DGKI: variants seen among roughly 807,000 people sequenced by gnomAD.
DGKI encodes DAG kinase iota.
In DGKI, 55 loss-of-function variants were observed where a neutral mutation model predicts 147.5. The ratio of observed to expected loss-of-function variants is 0.37; its 90% CI spans 0.30 to 0.47. DGKI has a LOEUF of 0.47. DGKI is among the 20% of genes least tolerant of loss of function. The probability of loss-of-function intolerance (pLI) is 1.00; values close to 1 mark genes in which losing one functional copy is unlikely to be tolerated. For missense variants in DGKI, 1,007 were observed against 1,323.8 expected (o/e 0.76, Z 3.71); for synonymous variants, 469 against 477.1 (o/e 0.98, Z 0.22).
intron 1 of DGKI, among the ~76,000 whole-genome samples, chr7:137,694,106 G>A (rs1173601501): frequency 1.3e-5 from 2 of 152,154 alleles, no homozygotes; most frequent in Admixed American, 6.5e-5. Flanking sequence ...CAGATCACAA[G>A]GTCAGGAGAT....
chr7:137,430,873 G>A (rs1279081366), intron 28 of DGKI, among the ~76,000 whole-genome samples: 1 of 152,028 alleles, frequency 6.6e-6, no homozygotes, highest in Non-Finnish European at 1.5e-5. Flanking sequence ...AAAATGAGAT[G>A]CTGAGAGAAC....
chr7:137,671,107 C>T (rs868335086), intron 3 of DGKI, among the ~76,000 whole-genome samples: 2 of 152,166 alleles, frequency 1.3e-5, no homozygotes, highest in Non-Finnish European at 2.9e-5. Flanking sequence ...GGCTCAAAAT[C>T]ATTTTCATTT....
chr7:137,478,284 A>T (rs1815246049), intron 23 of DGKI, among the ~76,000 whole-genome samples: 1 of 152,202 alleles, frequency 6.6e-6, no homozygotes, highest in Non-Finnish European at 1.5e-5. Context: ...TCAGACAGGA[A>T]TTCACAATTT....
At chr7:137,725,571 A>C (rs1441218893) in intron 1 of DGKI, among the ~76,000 whole-genome samples, 1 of 150,056 alleles carries the variant, frequency 6.7e-6, no homozygotes, top group African/African-American at 2.5e-5. Flanking sequence ...TCTATTTCAA[A>C]TCACTTTAAA....
chr7:137,559,281 C>A (rs552564564), intron 19 of DGKI, among the ~76,000 whole-genome samples: 1 of 150,924 alleles, frequency 6.6e-6, no homozygotes, highest in African/African-American at 2.4e-5. Flanking sequence ...CCGTTATAGC[C>A]GGGATGGTCT....
chr7:137,818,536 A>G (rs927913904), intron 1 of DGKI, among the ~76,000 whole-genome samples: 1 of 152,096 alleles, frequency 6.6e-6, no homozygotes, highest in African/African-American at 2.4e-5. Flanking sequence ...AAGCCTCCCA[A>G]GTAGCTGGGA....
In DGKI at chr7:137,472,123, A is replaced by G. The variant is rs1272658849; in HGVS notation, c.2374-2504T>C. On this transcript the variant is annotated intron_variant, in intron 23 of 32. Coordinates refer to ENST00000614521, the MANE Select transcript of DGKI (RefSeq NM_001321708.2). The stretch of plus-strand genomic sequence containing the variant: ...TATATGTGTATATATACATATAAAT[A>G]TATATACACATATATATGTGTATAT... Among the ~76,000 whole-genome samples, 282 of 124,180 alleles carry G rather than the reference A, an allele frequency of 2.3e-3. 7 individuals carry two copies. The highest frequency in any genetic ancestry group is 8.3e-3 in the African/African-American group (263 of 31,822). 81.5% of individuals were successfully genotyped at this position (124,180 alleles called of 152,430 possible). A position where few individuals can be genotyped will look rare whatever the true frequency, so the allele number is the denominator to read the frequency against.
Position 137,382,213 on chromosome 7 carries a change from C to T in DGKI, c.*9007G>A, listed in dbSNP as rs1811076970. On this transcript the variant is annotated 3_prime_UTR_variant, in exon 33 of 33. Transcript: ENST00000614521. ...GTGTTTTATAAGTGAAGAGTAAAGA[C>T]AATTTGTAAACATATATCTATCATT... 1 of 152,072 alleles carries T rather than the reference C, an allele frequency of 6.6e-6. No individual in the cohort carries two copies. The highest frequency in any genetic ancestry group is 1.9e-4 in the East Asian group (1 of 5,180). The allele number at this position is 152,072 out of a possible 1,614,324, so 9.4% of individuals were successfully genotyped here.
At chr7:137,684,937 G>T (rs534108832) in intron 2 of DGKI, among the ~76,000 whole-genome samples, 1 of 152,086 alleles carries the variant, frequency 6.6e-6, no homozygotes, top group African/African-American at 2.4e-5. Context: ...GAGCACGCAC[G>T]CACAAACACG....
At chr7:137,491,996 A>G (rs1425674431) in intron 21 of DGKI, among the ~76,000 whole-genome samples, 1 of 152,192 alleles carries the variant, frequency 6.6e-6, no homozygotes, top group Non-Finnish European at 1.5e-5. Flanking sequence ...TAGACAAATC[A>G]TCCCATGAAG....
In DGKI at chr7:137,846,591, C is replaced by A. The variant is rs773618868; in HGVS notation, c.272G>T (p.Gly91Val). The A allele has an allele frequency of 1.7e-6, 2 of 1,168,304 alleles. No homozygotes were observed. The highest frequency in any genetic ancestry group is 9.5e-5 in the East Asian group (2 of 21,066). 72.4% of individuals were successfully genotyped at this position (1,168,304 alleles called of 1,614,324 possible). A position where few individuals can be genotyped will look rare whatever the true frequency, so the allele number is the denominator to read the frequency against. ...LGAEGGADPR[G>V]AGSAAAAGAA... is the part of the protein sequence containing the mutation. ...CCCCGCCGCCGCGGCTGACCCTGCGCCCCGCGGGTCCGCGCCGCCCTCGGC... is the reference window on the plus strand; with the variant it reads ...CCCCGCCGCCGCGGCTGACCCTGCGACCCGCGGGTCCGCGCCGCCCTCGGC... The change falls in exon 1 of 33, where the codon GGC becomes GTC. Residue 91 changes from glycine to valine, a missense_variant. Gly to Val is a moderately radical substitution (Grantham distance 109). Coordinates refer to ENST00000614521, the MANE Select transcript of DGKI (RefSeq NM_001321708.2). This position sits in a 1 kb window ranked among gnomAD's most constrained non-coding sequence, Gnocchi z 4.0.
intron 30 of DGKI, among the ~76,000 whole-genome samples, chr7:137,398,418 C>G (rs887005591): frequency 6.6e-6 from 1 of 152,068 alleles, no homozygotes; most frequent in African/African-American, 2.4e-5. Flanking sequence ...TAGTGTAGAG[C>G]CTGGAGATAA....
At chr7:137,551,068 T>C (rs115738523) in intron 20 of DGKI, among the ~76,000 whole-genome samples, 2,018 of 152,154 alleles carry the variant, frequency 0.013, 46 homozygotes, top group African/African-American at 0.046. Flanking sequence ...AGCGAGGAGT[T>C]TCACTAAATG....
chr7:137,438,111 A>G (rs1813351484), intron 28 of DGKI, among the ~76,000 whole-genome samples: 1 of 152,178 alleles, frequency 6.6e-6, no homozygotes, highest in Non-Finnish European at 1.5e-5. Flanking sequence ...TCTATTCATC[A>G]GATGACATCA....
At chr7:137,624,585 T>C (rs1820866123) in intron 6 of DGKI, among the ~76,000 whole-genome samples, 1 of 152,044 alleles carries the variant, frequency 6.6e-6, no homozygotes, top group Non-Finnish European at 1.5e-5. Flanking sequence ...CATTTCCTCC[T>C]TTTGAACCTC....
At chr7:137,663,932 C>G (rs1160844828) in intron 3 of DGKI, among the ~76,000 whole-genome samples, 1 of 152,142 alleles carries the variant, frequency 6.6e-6, no homozygotes, top group African/African-American at 2.4e-5. Flanking sequence ...CTCAATCAGC[C>G]CCGGTCTGGA....
intron 1 of DGKI, among the ~76,000 whole-genome samples, chr7:137,757,474 A>T (rs1318573947): frequency 1.3e-5 from 2 of 151,810 alleles, no homozygotes; most frequent in African/African-American, 4.8e-5. Flanking sequence ...TCTCCATGTG[A>T]TTTCCCTAGA....
At chr7:137,720,977 A>T (rs926215109) in intron 1 of DGKI, among the ~76,000 whole-genome samples, 3 of 152,202 alleles carry the variant, frequency 2.0e-5, no homozygotes, top group African/African-American at 7.2e-5. Flanking sequence ...AAGTGTAAAT[A>T]TGTGTGTGTA....
At chr7:137,608,467 G>C (rs1820256470) in intron 10 of DGKI, among the ~76,000 whole-genome samples, 2 of 152,168 alleles carry the variant, frequency 1.3e-5, no homozygotes, top group Admixed American at 6.6e-5. Flanking sequence ...CTAGGACCAA[G>C]TGAAACCTTA....
Sources: allele counts gnomAD v4.1 joint callset (sites outside exome capture counted in the v4.1 genomes callset), GRCh38; gene constraint gnomAD v4.1.1; non-coding constraint Gnocchi (gnomAD v3.1); transcripts MANE v1.5; gene names NCBI Gene and HGNC (gene_info 2026-07-23, HGNC 2026-07-21).